The following SPATA9 variants were observed in gnomAD, a reference collection of about 807,000 sequenced individuals.
SPATA9 encodes the protein spermatogenesis-associated protein 9.
A neutral mutation model predicts 25.5 loss-of-function variants in SPATA9; 27 were observed. That is an observed-to-expected ratio of 1.06 (90% CI 0.78 to 1.46). The LOEUF (loss-of-function observed/expected upper bound fraction) is 1.46, where lower values mean the gene tolerates loss of function less well. Among genes scored for constraint, SPATA9 ranks in the 40% most tolerant of loss-of-function variants. The pLI is 0.00. For synonymous variants in SPATA9, 102 were observed against 105.7 expected, an observed-to-expected ratio of 0.97 and a Z score of 0.21; for missense variants, 282 against 297.5, an observed-to-expected ratio of 0.95 and a Z score of 0.38.
the SPATA9 span, among the ~76,000 whole-genome samples, chr5:95,704,363 A>T: frequency 6.6e-6 from 1 of 152,202 alleles, no homozygotes; most frequent in Admixed American, 6.5e-5. Context: ...TGGCAGACAC[A>T]TGACTGTAGC....
At chr5:95,663,840 G>A (rs1443644618) in intron 4 of SPATA9, 113 bp downstream of exon 4, 6 of 537,928 alleles carry the variant, frequency 1.1e-5, no homozygotes, top group Middle Eastern at 5.4e-4. Flanking sequence ...TTTGTGTAAC[G>A]AGACTGTGAA....
At chr5:95,719,561 G>A in the SPATA9 span, 1 of 152,216 alleles carries the variant, frequency 6.6e-6, no homozygotes, top group Non-Finnish European at 1.5e-5. Context: ...TAGCTCTGGA[G>A]ATTCCAAGTT....
At chr5:95,675,021 T>G (rs965710921) in intron 3 of SPATA9, among the ~76,000 whole-genome samples, 1 of 152,222 alleles carries the variant, frequency 6.6e-6, no homozygotes, top group Non-Finnish European at 1.5e-5. Context: ...AAACGTAATT[T>G]GAATTTATAG....
At chr5:95,685,075 A>G (rs1204885468), upstream of SPATA9, among the ~76,000 whole-genome samples, 1 of 152,246 alleles carries the variant, frequency 6.6e-6, no homozygotes, top group Non-Finnish European at 1.5e-5. Context: ...TTGAGTTTCA[A>G]TTCTATCACT....
chr5:95,708,575 C>T, the SPATA9 span: 305 of 696,124 alleles, frequency 4.4e-4, 3 homozygotes, highest in African/African-American at 3.9e-3. Flanking sequence ...CGACAGCTAG[C>T]GTCAGGGTGA....
chr5:95,724,504 A>T, the SPATA9 span, among the ~76,000 whole-genome samples: 9 of 152,220 alleles, frequency 5.9e-5, no homozygotes, highest in Admixed American at 4.6e-4. Flanking sequence ...TTACATAATG[A>T]AGGAGTTAGT....
At position 95,661,922 on chromosome 5, in the gene SPATA9, CAAA is replaced by C. The variant is rs555317902; in HGVS notation, c.474+2028_474+2030del. Reference sequence around the variant, plus strand: ...ATTAACAAATGTGTAAGAATGCTAACAAAAAAACATAAAAATGATTAAAAGAAA... The same window carrying C: ...ATTAACAAATGTGTAAGAATGCTAACAAAACATAAAAATGATTAAAAGAAA... On this transcript the variant is annotated intron_variant, in intron 4 of 4. Coordinates refer to ENST00000274432, the MANE Select transcript of SPATA9 (RefSeq NM_031952.4). 1.1e-4 allele frequency among the ~76,000 whole-genome samples: 17 copies of C among 150,986 alleles called. No homozygotes were observed. In the South Asian group the frequency reaches 2.1e-3, roughly 19 times the overall value.
intron 1 of SPATA9, among the ~76,000 whole-genome samples, chr5:95,697,850 T>G (rs771427092): frequency 6.7e-6 from 1 of 148,296 alleles, no homozygotes; most frequent in Non-Finnish European, 1.5e-5. Flanking sequence ...TCAGTCATTC[T>G]TTCAAGTGAA....
chr5:95,719,779 A>C, the SPATA9 span: 1 of 152,214 alleles, frequency 6.6e-6, no homozygotes, highest in African/African-American at 2.4e-5. Flanking sequence ...TGAACCTGCC[A>C]ATCAGAAGAG....
the SPATA9 span, among the ~76,000 whole-genome samples, chr5:95,721,683 C>T: frequency 2.2e-5 from 3 of 134,402 alleles, no homozygotes; most frequent in African/African-American, 8.3e-5. Flanking sequence ...TCTGATTCTA[C>T]TGAGAGCATT....
At position 95,664,016 on chromosome 5, in the gene SPATA9, G is replaced by A; in HGVS notation, c.411C>T (p.Ser137=). 1 of 1,593,924 alleles carries A rather than the reference G, an allele frequency of 6.3e-7. No individual in the cohort carries two copies. The highest frequency in any genetic ancestry group is 8.6e-7 in the Non-Finnish European group (1 of 1,168,374). ...VRKGSLFEII[S]FPAKTALTSI... is the part of the protein sequence containing the mutation. ...TAGTTAAAGCAGTCTTTGCTGGAAAGGAGATGATTTCAAACAAAGAACCCT... is the reference window on the plus strand; with the variant it reads ...TAGTTAAAGCAGTCTTTGCTGGAAAAGAGATGATTTCAAACAAAGAACCCT... The change falls in exon 4 of 5, where the codon TCC becomes TCT. Residue 137 remains serine, a synonymous_variant. Transcript: ENST00000274432.
chr5:95,731,336 A>T, the SPATA9 span: 1 of 1,100,990 alleles, frequency 9.1e-7, no homozygotes, highest in Non-Finnish European at 1.1e-6. Flanking sequence ...CGGCAGCGGC[A>T]GCAGGAGGCG....
chr5:95,678,148 G>A (rs187777766), intron 2 of SPATA9, among the ~76,000 whole-genome samples: 49 of 152,234 alleles, frequency 3.2e-4, no homozygotes, highest in African/African-American at 1.0e-3. Context: ...AGGCCAAGGC[G>A]GGCAGATCAC....
chr5:95,714,179 G>C, the SPATA9 span, among the ~76,000 whole-genome samples: 2 of 151,990 alleles, frequency 1.3e-5, no homozygotes, highest in Non-Finnish European at 2.9e-5. Context: ...AAGCTTGCTG[G>C]GGAAGGATCA....
chr5:95,729,010 A>G, the SPATA9 span, among the ~76,000 whole-genome samples: 2 of 152,246 alleles, frequency 1.3e-5, no homozygotes, highest in African/African-American at 2.4e-5. Context: ...TGGTCTAAAA[A>G]GCAGAGGAAC....
At chr5:95,731,777 G>C in the SPATA9 span, 1 of 1,604,532 alleles carries the variant, frequency 6.2e-7, no homozygotes, top group Non-Finnish European at 8.5e-7. Flanking sequence ...GCCGCGCGCT[G>C]TCCCCCGCAC....
chr5:95,653,313 C>T (rs1299068580), intron 8 of SPATA9: 8 of 1,485,650 alleles, frequency 5.4e-6, no homozygotes, highest in Non-Finnish European at 7.2e-6. Flanking sequence ...CAGGCAAAAC[C>T]AAGTGGACCA....
chr5:95,667,316 GGGGGGGTGGGGGTGCT>G (rs1751907909), intron 3 of SPATA9, among the ~76,000 whole-genome samples: 1 of 151,284 alleles, frequency 6.6e-6, no homozygotes, highest in African/African-American at 2.4e-5. Context: ...AGCTAAGAGT[GGGGGGGTGGGGGTGCT>G]GGGGGTTGGG....
chr5:95,692,183 G>C (rs1278170126), intron 1 of SPATA9, among the ~76,000 whole-genome samples: 1 of 151,984 alleles, frequency 6.6e-6, no homozygotes, highest in Admixed American at 6.6e-5. Context: ...AATTGAAAAG[G>C]TTTGCATCTT....
Sources: gnomAD v4.1 joint callset for allele counts (sites outside exome capture counted in the v4.1 genomes callset) on GRCh38, gnomAD v4.1.1 for gene constraint, MANE v1.5 for transcripts, NCBI Gene and HGNC (gene_info 2026-07-23, HGNC 2026-07-21) for gene names.